HSPA12B: variants seen among roughly 807,000 people sequenced by gnomAD.
HSPA12B encodes heat shock 70 kDa protein 12B.
Under a neutral mutation model 69.3 loss-of-function variants are expected in HSPA12B, and 54 were observed. The observed-to-expected ratio is 0.78, with a 90% CI of 0.63 to 0.98. HSPA12B has a LOEUF of 0.98. Among genes scored for constraint, HSPA12B ranks in the 50% least tolerant of loss-of-function variants. The pLI is 0.00. For missense variants in HSPA12B, 929 were observed against 999.8 expected (o/e 0.93, Z 0.96); for synonymous variants, 441 against 436.5 (o/e 1.01, Z -0.13).
chr20:3,751,094 G>A (rs769472127), intron 12 of HSPA12B, 187 bp downstream of exon 12: 11 of 488,704 alleles, frequency 2.3e-5, no homozygotes, highest in Non-Finnish European at 2.9e-5. Context: ...ATGTAGTCTT[G>A]CCAAGGCAAA....
At position 3,750,046 on chromosome 20, in the gene HSPA12B, G is replaced by A; in HGVS notation, c.1120G>A (p.Ala374Thr). 1 of 1,608,326 alleles carries A rather than the reference G, an allele frequency of 6.2e-7. No homozygotes were observed. The highest frequency in any genetic ancestry group is 8.5e-7 in the Non-Finnish European group (1 of 1,177,968). The change falls in exon 11 of 13, where the codon GCC becomes ACC. Residue 374 changes from alanine to threonine, a missense_variant. By Grantham distance (58) the Ala-to-Thr change is moderately conservative. Around this residue, in one of 3 missense-constraint regions of HSPA12B, gnomAD observed 477 missense variants for 535.2 expected, o/e 0.89. Coordinates refer to ENST00000254963, the MANE Select transcript of HSPA12B (RefSeq NM_052970.5). ...CCGCATCTTCGGCGAGGACTTCATCGCCACCTTCAAAAGGCAACGGCCGGC... is the reference window on the plus strand; with the variant it reads ...CCGCATCTTCGGCGAGGACTTCATCACCACCTTCAAAAGGCAACGGCCGGC... ...LCRIFGEDFI[A>T]TFKRQRPAAW...
rs202067056 is a variant in HSPA12B, at chr20:3,745,602, G to A, written c.558+5G>A. The A allele has an allele frequency of 1.3e-5, 21 of 1,612,202 alleles. No individual in the cohort carries two copies. The highest frequency in any genetic ancestry group is 1.4e-5 in the Non-Finnish European group (16 of 1,178,498). ...TTCAGGGAGCACGCCCTTCAGGTGCGCTGCGGCCCCACCTCTGCCGACTGT... is the reference window on the plus strand; with the variant it reads ...TTCAGGGAGCACGCCCTTCAGGTGCACTGCGGCCCCACCTCTGCCGACTGT... On this transcript the variant is annotated splice_donor_5th_base_variant and intron_variant, in intron 6 of 12. Coordinates refer to ENST00000254963, the MANE Select transcript of HSPA12B (RefSeq NM_052970.5). The surrounding 1 kb of genome is among the most constrained non-coding windows in gnomAD (Gnocchi z 5.6).
chr20:3,734,095 G>A (rs73895604), intron 1 of HSPA12B, among the ~76,000 whole-genome samples: 1,911 of 152,356 alleles, frequency 0.013, 40 homozygotes, highest in African/African-American at 0.042. Context: ...TTGAGGCCAG[G>A]TGGTCGAGGC....
At chr20:3,738,946 T>C (rs2088151612) in intron 2 of HSPA12B, among the ~76,000 whole-genome samples, 1 of 152,142 alleles carries the variant, frequency 6.6e-6, no homozygotes, top group Admixed American at 6.5e-5. Flanking sequence ...TGTGAGTATG[T>C]GTGCACACAG....
In HSPA12B at chr20:3,750,808, A is replaced by G. The variant is rs1343484226; in HGVS notation, c.1306A>G (p.Asn436Asp). ...TGCCCCTTTCACCACCAACAGCGTG[A>G]ACTTCGTGAAGTGGTCCTCACAGGG... ...VETALRRSSV[N>D]FVKWSSQGML... The change falls in exon 12 of 13, where the codon AAC becomes GAC. Residue 436 changes from asparagine (N) to aspartate (D), a missense_variant. Physicochemically the swap from Asn to Asp is conservative, Grantham distance 23. Around this residue, in one of 3 missense-constraint regions of HSPA12B, gnomAD observed 448 missense variants for 448.1 expected, o/e 1.00. Coordinates refer to ENST00000254963, the MANE Select transcript of HSPA12B (RefSeq NM_052970.5). 2 of 1,613,842 alleles carry G rather than the reference A, an allele frequency of 1.2e-6. No individual in the cohort carries two copies. The highest frequency in any genetic ancestry group is 1.7e-6 in the Non-Finnish European group (2 of 1,180,020).
In HSPA12B at chr20:3,749,739, CG is replaced by C; in HGVS notation, c.938-10del. 1 of 1,567,390 alleles carries C rather than the reference CG, an allele frequency of 6.4e-7. No homozygotes were observed. The highest frequency in any genetic ancestry group is 1.2e-5 in the South Asian group (1 of 86,764). ...CCGCCCACGAGTGTGTGCCCGCGCT[CG>C]CCGCCGCAGGAGACCGCTACGTGGT... On this transcript the variant is annotated splice_polypyrimidine_tract_variant and intron_variant, in intron 9 of 12. Transcript: ENST00000254963. This position sits in a 1 kb window ranked among gnomAD's most constrained non-coding sequence, Gnocchi z 5.5.
At chr20:3,741,574 A>C (rs371187566) in intron 3 of HSPA12B, among the ~76,000 whole-genome samples, 1 of 152,198 alleles carries the variant, frequency 6.6e-6, no homozygotes. Context: ...CGGAGGTTGC[A>C]GTTAGCCAAG....
intron 1 of HSPA12B, 63 bp from the exon 2 acceptor site, chr20:3,738,595 C>A: frequency 2.1e-6 from 3 of 1,445,510 alleles, no homozygotes; most frequent in African/African-American, 1.4e-5. Context: ...AATAAATAAG[C>A]ATTCAGATGA....
intron 1 of HSPA12B, 25 bp from the exon 2 acceptor site, chr20:3,738,633 T>G: frequency 1.2e-6 from 2 of 1,606,912 alleles, no homozygotes; most frequent in Non-Finnish European, 1.7e-6. Context: ...TAAATCCCAC[T>G]CTGCTTGTCT....
In HSPA12B at chr20:3,752,028, G is replaced by A; in HGVS notation, c.1923G>A (p.Gln641=). The A allele has an allele frequency of 6.4e-7, 1 of 1,556,994 alleles. No individual in the cohort carries two copies. Among genetic ancestry groups the A allele is most frequent in the Non-Finnish European group, 8.6e-7 (1 of 1,156,750 alleles). ...SLELEPADCG[Q]DTAGAPPGRR... is the part of the protein sequence containing the mutation. ...AGCTTGAGCCCGCCGACTGCGGCCA[G>A]GACACCGCCGGCGCGCCTCCCGGCC... The change falls in exon 13 of 13, where the codon CAG becomes CAA. Residue 641 remains glutamine (Q), a synonymous_variant. Coordinates refer to ENST00000254963, the MANE Select transcript of HSPA12B (RefSeq NM_052970.5).
chr20:3,746,548 C>T (rs561774835), intron 7 of HSPA12B, among the ~76,000 whole-genome samples: 15 of 151,952 alleles, frequency 9.9e-5, no homozygotes, highest in African/African-American at 2.7e-4. Context: ...GTGATCCGCC[C>T]GCCTCGGCCT....
chr20:3,734,809 G>A (rs1357743271), intron 1 of HSPA12B, among the ~76,000 whole-genome samples: 1 of 146,008 alleles, frequency 6.8e-6, no homozygotes, highest in Non-Finnish European at 1.5e-5. Flanking sequence ...GTGTGATCAT[G>A]ACTTACTGCA....
Position 3,742,286 on chromosome 20 carries a change from A to C in HSPA12B, c.144A>C (p.Lys48Asn), listed in dbSNP as rs1483939070. The C allele has an allele frequency of 6.2e-7, 1 of 1,612,742 alleles. No individual in the cohort carries two copies. The highest frequency in any genetic ancestry group is 2.2e-5 in the East Asian group (1 of 44,864). Residue 48 changes from lysine (K) to asparagine (N), a missense_variant and splice_region_variant, in exon 4 of 13, where the codon AAA (lysine) becomes AAC (asparagine). By Grantham distance (94) the Lys-to-Asn change is moderately conservative (BLOSUM62 0). Around this residue, in one of 3 missense-constraint regions of HSPA12B, gnomAD observed 477 missense variants for 535.2 expected, o/e 0.89. Transcript: ENST00000254963. ...IAPLTPSQSP[K>N]PEVRAPQQAS... ...AATTCTAAGTCTTGCACTTGCAGAA[A>C]CCCGAGGTCCGAGCCCCCCAGCAGG...
Position 3,742,408 on chromosome 20 carries a change from G to C in HSPA12B, c.266G>C (p.Arg89Thr). The change falls in exon 4 of 13, where the codon AGG becomes ACG. Residue 89 changes from arginine (R) to threonine (T), a missense_variant and splice_region_variant. Physicochemically the swap from Arg to Thr is moderately conservative, Grantham distance 71 (BLOSUM62 -1). Transcript: ENST00000254963. The part of the protein sequence containing the change: ...ASDPEAIHMM[R>T]KWEGGDPGVA... ...GACCCTGAGGCCATCCACATGATGA[G>C]GTGAGGTCGGCTGGGCTGAGAGAGT... The C allele has an allele frequency of 6.2e-7, 1 of 1,607,866 alleles. No homozygotes were observed.
chr20:3,736,932 C>T (rs1263566037), intron 1 of HSPA12B, among the ~76,000 whole-genome samples: 2 of 152,082 alleles, frequency 1.3e-5, no homozygotes, highest in African/African-American at 2.4e-5. Flanking sequence ...GCCTGTGGCC[C>T]CAGCTACTTG....
rs11470713 is a variant in HSPA12B, at chr20:3,737,057, A to AAAATAAAT, written c.-17-1559_-17-1552dup. On this transcript the variant is annotated intron_variant, in intron 1 of 12. Coordinates refer to ENST00000254963, the MANE Select transcript of HSPA12B (RefSeq NM_052970.5). This position sits in a 1 kb window ranked among gnomAD's most constrained non-coding sequence, Gnocchi z 4.1. ...GGGGACAGAGTGAGACTCTGCCTCAAAAATAAATAAATAAATAAATAAATA... is the reference window on the plus strand; with the variant it reads ...GGGGACAGAGTGAGACTCTGCCTCAAAAATAAATAAATAAATAAATAAATAAATAAATA... 3.3e-4 allele frequency among the ~76,000 whole-genome samples: 49 copies of AAAATAAAT among 146,342 alleles called. No homozygotes were observed. Among genetic ancestry groups the AAAATAAAT allele is most frequent in the Admixed American group, 8.8e-4 (13 of 14,698 alleles).
Position 3,740,782 on chromosome 20 carries a change from G to A in HSPA12B, c.44-33G>A. The A allele has an allele frequency of 6.3e-6, 10 of 1,589,686 alleles. No homozygotes were observed. Among genetic ancestry groups the A allele is most frequent in the Non-Finnish European group, 8.6e-6 (10 of 1,161,836 alleles). The stretch of plus-strand genomic sequence containing the variant: ...CCCCGCTGCCATACCTACCCTGCTT[G>A]TGCCAGGATGAACTGCCGTCTCTTC... On this transcript the variant is annotated intron_variant, in intron 2 of 12. Coordinates refer to ENST00000254963, the MANE Select transcript of HSPA12B (RefSeq NM_052970.5). This position sits in a 1 kb window ranked among gnomAD's most constrained non-coding sequence, Gnocchi z 4.9.
chr20:3,734,180 G>A (rs996068518), intron 1 of HSPA12B, among the ~76,000 whole-genome samples: 3 of 152,172 alleles, frequency 2.0e-5, no homozygotes, highest in Non-Finnish European at 2.9e-5. Flanking sequence ...AAAAAGGAGC[G>A]GGAGTGGGGG....
In HSPA12B at chr20:3,749,927, C is replaced by T. The variant is rs746748857; in HGVS notation, c.1043-42C>T. ...GCCCCGCCACTGCCCCCTGGCGGCCCGGCGAGCGCTGACGCCCTCTTCGCC... is the reference window on the plus strand; with the variant it reads ...GCCCCGCCACTGCCCCCTGGCGGCCTGGCGAGCGCTGACGCCCTCTTCGCC... On this transcript the variant is annotated intron_variant, in intron 10 of 12. Transcript: ENST00000254963. The surrounding 1 kb of genome is among the most constrained non-coding windows in gnomAD (Gnocchi z 5.5). The T allele has an allele frequency of 3.9e-6, 6 of 1,546,118 alleles. No homozygotes were observed. The African/African-American group carries it at 4.1e-5, about 11-fold the overall frequency.
Sources: allele counts gnomAD v4.1 joint callset (sites outside exome capture counted in the v4.1 genomes callset), GRCh38; gene constraint gnomAD v4.1.1; regional missense constraint gnomAD v4.1.1; non-coding constraint Gnocchi (gnomAD v3.1); transcripts MANE v1.5; gene names NCBI Gene and HGNC (gene_info 2026-07-23, HGNC 2026-07-21).